Variants in DGKB observed in about 807,000 individuals in gnomAD.
The protein encoded by DGKB is 90 kDa diacylglycerol kinase.
DGKB carries 67 observed loss-of-function variants against 114.3 expected under a neutral mutation model. The ratio of observed to expected loss-of-function variants is 0.59; its 90% CI spans 0.48 to 0.72. The LOEUF (loss-of-function observed/expected upper bound fraction) is 0.72, where lower values mean the gene tolerates loss of function less well. DGKB is among the 30% of genes least tolerant of loss of function. The pLI is 0.00. For missense variants in DGKB, 907 were observed against 975.2 expected (o/e 0.93, Z 0.93); for synonymous variants, 398 against 323.1 (o/e 1.23, Z -2.49).
intron 2 of DGKB, among the ~76,000 whole-genome samples, chr7:14,759,248 G>A (rs1168724432): frequency 6.6e-6 from 1 of 152,160 alleles, no homozygotes; most frequent in Non-Finnish European, 1.5e-5. Context: ...TTTTAAGTGA[G>A]ATAAAATTCG....
intron 21 of DGKB, among the ~76,000 whole-genome samples, chr7:14,391,921 T>C (rs1394863599): frequency 6.6e-6 from 1 of 152,172 alleles, no homozygotes; most frequent in Non-Finnish European, 1.5e-5. Context: ...ATGATAGAAT[T>C]TATTTGCAAA....
chr7:14,935,432 A>AG (rs996934452), intron 1 of DGKB, among the ~76,000 whole-genome samples: 1 of 152,192 alleles, frequency 6.6e-6, no homozygotes, highest in Non-Finnish European at 1.5e-5. Flanking sequence ...TGACAAAAAA[A>AG]GAAGTTTATA....
intron 9 of DGKB, among the ~76,000 whole-genome samples, chr7:14,691,861 T>G (rs913790178): frequency 2.0e-5 from 3 of 151,820 alleles, no homozygotes; most frequent in Non-Finnish European, 1.5e-5. Context: ...ACAGCTCTGA[T>G]AGCTATAATA....
intron 23 of DGKB, among the ~76,000 whole-genome samples, chr7:14,238,440 T>C (rs770200787): frequency 6.6e-6 from 1 of 151,998 alleles, no homozygotes; most frequent in East Asian, 1.9e-4. Flanking sequence ...TCTTTATAAA[T>C]TATCCAGTCT....
chr7:14,153,060 C>G (rs548923011), intron 25 of DGKB, among the ~76,000 whole-genome samples: 56 of 152,146 alleles, frequency 3.7e-4, no homozygotes, highest in African/African-American at 1.3e-3. Flanking sequence ...CAGCACATAG[C>G]AAATAATGTT....
intron 23 of DGKB, among the ~76,000 whole-genome samples, chr7:14,278,175 T>C (rs1466372070): frequency 6.6e-6 from 1 of 152,148 alleles, no homozygotes; most frequent in African/African-American, 2.4e-5. Flanking sequence ...CAAAAGACCC[T>C]GAATAACCAC....
intron 4 of DGKB, chr7:14,750,059 G>T (rs1266114129): frequency 8.0e-6 from 4 of 499,284 alleles, no homozygotes; most frequent in Non-Finnish European, 1.6e-5. Flanking sequence ...CACTAAATAT[G>T]TTATATGTGT....
chr7:14,291,017 C>T (rs1323753989), intron 23 of DGKB, among the ~76,000 whole-genome samples: 2 of 151,786 alleles, frequency 1.3e-5, no homozygotes, highest in Non-Finnish European at 2.9e-5. Context: ...TGGCACACGC[C>T]TGTAATCCCA....
At chr7:14,298,161 C>G (rs1007045153) in intron 23 of DGKB, among the ~76,000 whole-genome samples, 4 of 152,124 alleles carry the variant, frequency 2.6e-5, no homozygotes, top group African/African-American at 9.7e-5. Context: ...GTGTGATTCC[C>G]ACCAAGCTAC....
At chr7:14,911,553 A>G (rs1333851092) in intron 1 of DGKB, among the ~76,000 whole-genome samples, 1 of 152,208 alleles carries the variant, frequency 6.6e-6, no homozygotes, top group Non-Finnish European at 1.5e-5. Context: ...TTAATGATTT[A>G]TTAACTACTC....
At chr7:14,288,832 G>A (rs919347389) in intron 23 of DGKB, among the ~76,000 whole-genome samples, 2 of 152,144 alleles carry the variant, frequency 1.3e-5, no homozygotes, top group African/African-American at 2.4e-5. Flanking sequence ...GTTCCTTGAC[G>A]TGTTGTGGTG....
chr7:14,447,858 C>T (rs575449340), intron 21 of DGKB, among the ~76,000 whole-genome samples: 16 of 152,102 alleles, frequency 1.1e-4, no homozygotes, highest in African/African-American at 1.9e-4. Flanking sequence ...TCCTAATTTC[C>T]GCAGTTCACT....
intron 14 of DGKB, among the ~76,000 whole-genome samples, chr7:14,628,992 G>A (rs564543644): frequency 6.6e-6 from 1 of 152,000 alleles, no homozygotes; most frequent in African/African-American, 2.4e-5. Context: ...CAATCTATAT[G>A]ACACAAATTA....
chr7:14,620,032 T>C (rs538099318), intron 15 of DGKB, among the ~76,000 whole-genome samples: 2 of 151,732 alleles, frequency 1.3e-5, no homozygotes, highest in East Asian at 3.9e-4. Context: ...ATCCACGTAT[T>C]GAATTAAAAT....
chr7:14,788,776 T>C (rs1424932380), intron 2 of DGKB, among the ~76,000 whole-genome samples: 4 of 152,172 alleles, frequency 2.6e-5, no homozygotes, highest in Non-Finnish European at 5.9e-5. Flanking sequence ...CATGGTACAG[T>C]GGGTTCCTTT....
chr7:14,548,358 C>T (rs1026602119), intron 20 of DGKB, among the ~76,000 whole-genome samples: 2 of 152,120 alleles, frequency 1.3e-5, no homozygotes, highest in Non-Finnish European at 2.9e-5. Context: ...TAAAGATATG[C>T]AACAGTTAAT....
chr7:14,551,283 T>C (rs1795064463), intron 20 of DGKB, among the ~76,000 whole-genome samples: 1 of 152,200 alleles, frequency 6.6e-6, no homozygotes, highest in Non-Finnish European at 1.5e-5. Context: ...AGAAGATTTC[T>C]ACAGTTAACA....
intron 1 of DGKB, among the ~76,000 whole-genome samples, chr7:14,859,528 G>A (rs1051130830): frequency 1.3e-5 from 2 of 152,076 alleles, no homozygotes; most frequent in Non-Finnish European, 2.9e-5. Flanking sequence ...AGTGACAGAG[G>A]TAACTAGTGG....
intron 23 of DGKB, among the ~76,000 whole-genome samples, chr7:14,182,390 G>A (rs181315588): frequency 2.9e-4 from 44 of 151,878 alleles, no homozygotes; most frequent in Non-Finnish European, 7.4e-5. Flanking sequence ...TCATAGAAAA[G>A]CATATATATC....
Sources: allele counts gnomAD v4.1 joint callset (sites outside exome capture counted in the v4.1 genomes callset), GRCh38; gene constraint gnomAD v4.1.1; transcripts MANE v1.5; gene names NCBI Gene and HGNC (gene_info 2026-07-23, HGNC 2026-07-21).